GMDS: variants seen among roughly 807,000 people sequenced by gnomAD.
GMDS encodes the protein GDP-mannose 4,6-dehydratase.
In GMDS, 20 loss-of-function variants were observed where a neutral mutation model predicts 49.9. The ratio of observed to expected loss-of-function variants is 0.40; its 90% CI spans 0.28 to 0.58. GMDS has a LOEUF of 0.58. GMDS is among the 20% of genes least tolerant of loss of function. The probability of loss-of-function intolerance (pLI) is 0.42; values close to 1 mark genes in which losing one functional copy is unlikely to be tolerated. For missense variants in GMDS, 362 were observed against 481.4 expected (o/e 0.75, Z 2.32); for synonymous variants, 177 against 178.6 (o/e 0.99, Z 0.07).
intron 1 of GMDS, among the ~76,000 whole-genome samples, chr6:2,136,598 G>A (rs541220122): frequency 6.6e-6 from 1 of 152,260 alleles, no homozygotes; most frequent in African/African-American, 2.4e-5. Context: ...TTAGCTGGGT[G>A]TGTCCCAGCT....
intron 9 of GMDS, among the ~76,000 whole-genome samples, chr6:1,631,759 C>T (rs969753285): frequency 6.6e-6 from 1 of 152,176 alleles, no homozygotes; most frequent in East Asian, 1.9e-4. Flanking sequence ...TCCAAATATT[C>T]ATTCCCTCAG....
At chr6:1,823,899 C>A (rs146159164) in intron 7 of GMDS, among the ~76,000 whole-genome samples, 1 of 152,182 alleles carries the variant, frequency 6.6e-6, no homozygotes, top group East Asian at 1.9e-4. Context: ...CCAACCTCAC[C>A]ACCACTTGCT....
intron 1 of GMDS, among the ~76,000 whole-genome samples, chr6:2,129,465 A>C (rs1775618179): frequency 6.6e-6 from 1 of 152,180 alleles, no homozygotes; most frequent in Non-Finnish European, 1.5e-5. Flanking sequence ...GTATGTTTCT[A>C]CTTAAGCACC....
chr6:1,698,625 T>C (rs1348052145), intron 9 of GMDS, among the ~76,000 whole-genome samples: 2 of 151,348 alleles, frequency 1.3e-5, no homozygotes, highest in Non-Finnish European at 2.9e-5. Flanking sequence ...GTCTACAGGG[T>C]TGGTATTGAG....
chr6:2,166,586 A>G (rs1298787433), intron 1 of GMDS, among the ~76,000 whole-genome samples: 1 of 152,188 alleles, frequency 6.6e-6, no homozygotes. Context: ...TCACCCACAA[A>G]TAGCTGCTCT....
At chr6:1,696,325 C>A (rs1460551974) in intron 9 of GMDS, among the ~76,000 whole-genome samples, 1 of 152,252 alleles carries the variant, frequency 6.6e-6, no homozygotes, top group African/African-American at 2.4e-5. Flanking sequence ...AGGGCCTACG[C>A]CGTGATTTGC....
chr6:2,017,526 C>T (rs1767985222), intron 4 of GMDS, among the ~76,000 whole-genome samples: 1 of 152,104 alleles, frequency 6.6e-6, no homozygotes, highest in Non-Finnish European at 1.5e-5. Flanking sequence ...CCAGGCTGGT[C>T]TCGTACTCCC....
At chr6:2,183,786 C>A (rs952392052) in intron 1 of GMDS, among the ~76,000 whole-genome samples, 1 of 152,132 alleles carries the variant, frequency 6.6e-6, no homozygotes, top group African/African-American at 2.4e-5. Context: ...GCAACCACCA[C>A]CCTGATCAGT....
intron 7 of GMDS, among the ~76,000 whole-genome samples, chr6:1,899,050 A>G (rs1760366405): frequency 6.6e-6 from 1 of 152,242 alleles, no homozygotes; most frequent in African/African-American, 2.4e-5. Flanking sequence ...GCTAAGAATA[A>G]TAGAAGTGGC....
chr6:2,020,152 T>A (rs747763480), intron 4 of GMDS, among the ~76,000 whole-genome samples: 4 of 152,214 alleles, frequency 2.6e-5, no homozygotes, highest in Non-Finnish European at 5.9e-5. Flanking sequence ...AGTTTATATA[T>A]GTATGACTGA....
At chr6:1,817,858 C>T (rs774939117) in intron 7 of GMDS, among the ~76,000 whole-genome samples, 4 of 151,928 alleles carry the variant, frequency 2.6e-5, no homozygotes, top group Non-Finnish European at 4.4e-5. Context: ...ATTCCCAGTA[C>T]GGTAAGGAAG....
intron 9 of GMDS, among the ~76,000 whole-genome samples, chr6:1,703,240 TCTCTGCCTC>T (rs1765608061): frequency 6.6e-6 from 1 of 152,114 alleles, no homozygotes; most frequent in African/African-American, 2.4e-5. Flanking sequence ...TTGTTCTCTC[TCTCTGCCTC>T]CTCTGTCCCT....
At chr6:2,119,716 A>G (rs1275727132) in intron 2 of GMDS, among the ~76,000 whole-genome samples, 1 of 152,218 alleles carries the variant, frequency 6.6e-6, no homozygotes. Flanking sequence ...TGAAAAGATA[A>G]AAGAGCTGAA....
At chr6:2,088,124 G>A (rs1161587429) in intron 4 of GMDS, among the ~76,000 whole-genome samples, 1 of 152,044 alleles carries the variant, frequency 6.6e-6, no homozygotes, top group African/African-American at 2.4e-5. Context: ...AAAAAATGCT[G>A]TGATATAGAG....
Position 1,892,347 on chromosome 6 carries a change from AAATCCACTTTT to A in GMDS, c.771+37745_771+37755del, listed in dbSNP as rs1759909846. Among the ~76,000 whole-genome samples the A allele has an allele frequency of 2.6e-5, 4 of 152,054 alleles. No homozygotes were observed. In the South Asian group the frequency reaches 8.3e-4, roughly 32 times the overall value. On this transcript the variant is annotated intron_variant, in intron 7 of 10. Transcript: ENST00000380815. ...ATCTGTTACCAAAACCCACTACCAT[AAATCCACTTTT>A]AATTAAGCTTTTTTCTTTTTAGATG...
At chr6:1,963,390 C>T (rs1360419250) in intron 4 of GMDS, among the ~76,000 whole-genome samples, 1 of 152,186 alleles carries the variant, frequency 6.6e-6, no homozygotes, top group African/African-American at 2.4e-5. Flanking sequence ...TTATGAAGCA[C>T]AGAAGTCCCA....
At chr6:1,970,353 A>C (rs577675233) in intron 4 of GMDS, among the ~76,000 whole-genome samples, 1 of 152,324 alleles carries the variant, frequency 6.6e-6, no homozygotes, top group African/African-American at 2.4e-5. Flanking sequence ...AGTTTTTCCC[A>C]GTTAGCAGCT....
At chr6:1,671,294 G>A (rs1048255251) in intron 9 of GMDS, among the ~76,000 whole-genome samples, 1 of 152,122 alleles carries the variant, frequency 6.6e-6, no homozygotes, top group African/African-American at 2.4e-5. Context: ...ATGTGTTCAG[G>A]AGGCTGCTTC....
chr6:2,069,486 C>T (rs1771842636), intron 4 of GMDS, among the ~76,000 whole-genome samples: 1 of 151,816 alleles, frequency 6.6e-6, no homozygotes, highest in African/African-American at 2.4e-5. Flanking sequence ...AGGCAACCTA[C>T]AGAATGGGAG....
Sources: allele counts gnomAD v4.1 joint callset (sites outside exome capture counted in the v4.1 genomes callset), GRCh38; gene constraint gnomAD v4.1.1; transcripts MANE v1.5; gene names NCBI Gene and HGNC (gene_info 2026-07-23, HGNC 2026-07-21).